SLC2A13: variants seen among roughly 807,000 people sequenced by gnomAD.
The protein encoded by SLC2A13 is solute carrier family 2 member 13, also known as proton myo-inositol cotransporter.
SLC2A13 carries 32 observed loss-of-function variants against 64.4 expected under a neutral mutation model. The ratio of observed to expected loss-of-function variants is 0.50; its 90% CI spans 0.37 to 0.67. The LOEUF (loss-of-function observed/expected upper bound fraction) is 0.67. Among genes scored for constraint, SLC2A13 ranks in the 30% least tolerant of loss-of-function variants. The pLI is 0.00. For missense variants in SLC2A13, 743 were observed against 829.2 expected (o/e 0.90, Z 1.28); for synonymous variants, 338 against 327.1 (o/e 1.03, Z -0.36).
chr12:39,998,984 C>A (rs1382633523), intron 3 of SLC2A13, among the ~76,000 whole-genome samples: 1 of 152,100 alleles, frequency 6.6e-6, no homozygotes, highest in East Asian at 1.9e-4. Context: ...AAGTTAGGGA[C>A]CCCGAATGGA....
At chr12:40,071,507 T>C (rs1937955586) in intron 1 of SLC2A13, among the ~76,000 whole-genome samples, 2 of 152,184 alleles carry the variant, frequency 1.3e-5, no homozygotes, top group Admixed American at 6.6e-5. Flanking sequence ...TTGGTATTAA[T>C]ACTGGCTTCA....
At chr12:40,079,310 T>C (rs780799859) in intron 1 of SLC2A13, among the ~76,000 whole-genome samples, 1 of 152,288 alleles carries the variant, frequency 6.6e-6, no homozygotes. Context: ...TTCAGGTGAG[T>C]TGTATCTGTT....
chr12:39,824,673 T>C (rs1346322965), intron 7 of SLC2A13, among the ~76,000 whole-genome samples: 1 of 152,174 alleles, frequency 6.6e-6, no homozygotes, highest in African/African-American at 2.4e-5. Flanking sequence ...GTGTCAGCCC[T>C]GTGAGGTGTT....
At chr12:39,828,702 T>C (rs1942760194) in intron 7 of SLC2A13, among the ~76,000 whole-genome samples, 1 of 112,282 alleles carries the variant, frequency 8.9e-6, no homozygotes, top group Non-Finnish European at 1.8e-5. Context: ...TCTAGACTAG[T>C]AGTAACTTAG....
intron 1 of SLC2A13, among the ~76,000 whole-genome samples, chr12:40,104,686 G>T (rs552409998): frequency 6.6e-6 from 1 of 152,202 alleles, no homozygotes; most frequent in South Asian, 2.1e-4. Flanking sequence ...AAAGCAAAAG[G>T]AGATGCCATC....
At chr12:39,967,272 C>T (rs528934351) in intron 3 of SLC2A13, among the ~76,000 whole-genome samples, 28 of 152,280 alleles carry the variant, frequency 1.8e-4, no homozygotes, top group African/African-American at 5.5e-4. Context: ...GCATTATATT[C>T]ATTAGCAAAG....
At chr12:40,043,299 G>C (rs2136232474) in intron 2 of SLC2A13, among the ~76,000 whole-genome samples, 1 of 152,184 alleles carries the variant, frequency 6.6e-6, no homozygotes, top group Non-Finnish European at 1.5e-5. Context: ...AGTGTAGTGA[G>C]TAAATCTCAC....
At chr12:39,760,608 T>C (rs945416452) in intron 9 of SLC2A13, among the ~76,000 whole-genome samples, 5 of 152,008 alleles carry the variant, frequency 3.3e-5, no homozygotes, top group South Asian at 2.1e-4. Context: ...AATATTATAA[T>C]TATGTACACA....
chr12:39,756,635 T>A lies in SLC2A13; in HGVS notation c.*3391A>T, dbSNP rs982458095. ...AAACATTCTTCCATTTCCACCAACT[T>A]CTGGATCTGTGAGTTATTCTAATAT... On this transcript the variant is annotated 3_prime_UTR_variant, in exon 10 of 10. Coordinates refer to ENST00000280871, the MANE Select transcript of SLC2A13 (RefSeq NM_052885.4). The A allele has an allele frequency of 2.0e-5, 3 of 151,926 alleles. No individual in the cohort carries two copies. The East Asian group carries it at 5.7e-4, about 29-fold the overall frequency. 9.4% of individuals were successfully genotyped at this position (151,926 alleles called of 1,614,324 possible).
At chr12:40,069,466 G>A (rs574880679) in intron 1 of SLC2A13, among the ~76,000 whole-genome samples, 1 of 152,008 alleles carries the variant, frequency 6.6e-6, no homozygotes, top group Admixed American at 6.6e-5. Context: ...AAGAAATTAA[G>A]TCAGAGAAAA....
intron 7 of SLC2A13, among the ~76,000 whole-genome samples, chr12:39,797,762 A>G (rs1941630214): frequency 1.3e-5 from 2 of 152,086 alleles, no homozygotes; most frequent in South Asian, 2.1e-4. Context: ...ACACACACAC[A>G]CACACACACA....
intron 7 of SLC2A13, among the ~76,000 whole-genome samples, chr12:39,817,674 A>G (rs1166160901): frequency 1.3e-5 from 2 of 152,218 alleles, no homozygotes; most frequent in African/African-American, 4.8e-5. Context: ...TTCAGTTAGT[A>G]GTCATCTTAG....
intron 4 of SLC2A13, among the ~76,000 whole-genome samples, chr12:39,906,128 AGAACTTT>A (rs11279548): frequency 0.97 from 148,059 of 152,010 alleles, 72,241 homozygotes; most frequent in East Asian, 1. Context: ...TTGCAGATAC[AGAACTTT>A]GAACTTTGTT....
intron 1 of SLC2A13, among the ~76,000 whole-genome samples, chr12:40,088,643 T>G (rs1016311307): frequency 2.0e-5 from 3 of 152,154 alleles, no homozygotes; most frequent in African/African-American, 7.2e-5. Flanking sequence ...TACAGATCAA[T>G]AAACATGGTA....
chr12:39,771,115 T>G (rs1659728172), intron 7 of SLC2A13, among the ~76,000 whole-genome samples: 1 of 152,172 alleles, frequency 6.6e-6, no homozygotes, highest in African/African-American at 2.4e-5. Flanking sequence ...TCTATTTGCA[T>G]TAACACCATC....
intron 3 of SLC2A13, among the ~76,000 whole-genome samples, chr12:39,963,699 T>C (rs1374122680): frequency 6.6e-6 from 1 of 152,226 alleles, no homozygotes; most frequent in Non-Finnish European, 1.5e-5. Context: ...AGATGAACTA[T>C]GCTCCTAAAC....
At chr12:39,980,262 C>A (rs1946863673) in intron 3 of SLC2A13, among the ~76,000 whole-genome samples, 2 of 151,960 alleles carry the variant, frequency 1.3e-5, no homozygotes, top group African/African-American at 4.8e-5. Flanking sequence ...GAAACTGCAT[C>A]AACTAACAAG....
intron 3 of SLC2A13, among the ~76,000 whole-genome samples, chr12:39,955,617 G>A (rs1946302025): frequency 6.6e-6 from 1 of 152,008 alleles, no homozygotes; most frequent in Admixed American, 6.6e-5. Flanking sequence ...CCTGAAACCT[G>A]TATTATCTTA....
At chr12:39,875,909 A>G (rs1944172719) in intron 4 of SLC2A13, among the ~76,000 whole-genome samples, 1 of 152,180 alleles carries the variant, frequency 6.6e-6, no homozygotes, top group Admixed American at 6.5e-5. Flanking sequence ...TTGCATTTTC[A>G]AGGGACTGTA....
Sources: gnomAD v4.1 joint callset for allele counts (sites outside exome capture counted in the v4.1 genomes callset) on GRCh38, gnomAD v4.1.1 for gene constraint, MANE v1.5 for transcripts, NCBI Gene and HGNC (gene_info 2026-07-23, HGNC 2026-07-21) for gene names.